EYS: variants seen among roughly 807,000 people sequenced by gnomAD.
EYS encodes the protein protein eyes shut homolog.
In EYS, 250 loss-of-function variants were observed where a neutral mutation model predicts 282.1. The observed-to-expected ratio is 0.89, with a 90% CI of 0.80 to 0.98. The LOEUF (loss-of-function observed/expected upper bound fraction) is 0.98, where lower values mean the gene tolerates loss of function less well. Ranked by LOEUF, EYS falls within the 50% of genes least tolerant of loss-of-function variation. The probability of loss-of-function intolerance (pLI) is 0.00; values close to 1 mark genes in which losing one functional copy is unlikely to be tolerated. For synonymous variants in EYS, 1,355 were observed against 1,282.9 expected, an observed-to-expected ratio of 1.06 and a Z score of -1.20; for missense variants, 4,016 against 3,709.0, an observed-to-expected ratio of 1.08 and a Z score of -2.15.
At chr6:65,057,771 G>T in intron 12 of EYS, 44 bp from the exon 13 acceptor site, 2 of 1,269,068 alleles carry the variant, frequency 1.6e-6, no homozygotes, top group Non-Finnish European at 2.2e-6. Context: ...TAACAAGACA[G>T]GCATGTATCA....
chr6:63,791,202 T>C (rs1340780274), intron 37 of EYS, among the ~76,000 whole-genome samples: 2 of 152,028 alleles, frequency 1.3e-5, no homozygotes, highest in Non-Finnish European at 2.9e-5. Context: ...GAGGATACAG[T>C]GAAGAGTGCT....
chr6:65,560,201 T>C (rs1003004756), intron 2 of EYS, among the ~76,000 whole-genome samples: 2 of 132,386 alleles, frequency 1.5e-5, no homozygotes, highest in African/African-American at 5.7e-5. Context: ...ATATTTATAC[T>C]TATATTTATA....
chr6:64,344,286 A>C (rs1473402640), intron 29 of EYS, among the ~76,000 whole-genome samples: 1 of 152,120 alleles, frequency 6.6e-6, no homozygotes, highest in Admixed American at 6.6e-5. Context: ...ATCCTTGATG[A>C]ACATTGATGC....
At chr6:64,696,251 C>T (rs762456493) in intron 22 of EYS, among the ~76,000 whole-genome samples, 9 of 151,854 alleles carry the variant, frequency 5.9e-5, no homozygotes, top group Admixed American at 2.0e-4. Context: ...TAGAATAGAC[C>T]GAGCACAAGA....
intron 12 of EYS, among the ~76,000 whole-genome samples, chr6:65,290,165 G>T (rs1215246524): frequency 6.6e-6 from 1 of 150,654 alleles, no homozygotes; most frequent in African/African-American, 2.4e-5. Context: ...ATTGACTAAG[G>T]GTTAACAAAA....
At chr6:65,567,693 A>T (rs1335486478) in intron 2 of EYS, among the ~76,000 whole-genome samples, 1 of 152,142 alleles carries the variant, frequency 6.6e-6, no homozygotes, top group African/African-American at 2.4e-5. Flanking sequence ...TAGTTTTCAG[A>T]CCAATTAAAA....
intron 2 of EYS, among the ~76,000 whole-genome samples, chr6:65,591,492 C>T (rs936735307): frequency 2.0e-5 from 3 of 151,982 alleles, no homozygotes; most frequent in Non-Finnish European, 4.4e-5. Context: ...CAACCCATTT[C>T]ATAGTTCTAG....
At chr6:65,196,710 C>T (rs192403588) in intron 12 of EYS, among the ~76,000 whole-genome samples, 14 of 152,084 alleles carry the variant, frequency 9.2e-5, no homozygotes, top group African/African-American at 2.6e-4. Context: ...AAGAGCACAG[C>T]GAATGAAGGA....
intron 26 of EYS, among the ~76,000 whole-genome samples, chr6:64,514,362 T>C (rs748342455): frequency 1.1e-4 from 17 of 151,818 alleles, no homozygotes; most frequent in Non-Finnish European, 1.9e-4. Context: ...GAGAAAACAA[T>C]AACAGACAGA....
rs577394277 is a variant in EYS, at chr6:65,153,529, C to A, written c.2024-95802G>T. ...ATTTTAGCTGGGTACTTATTTTTCACCATATCTACACGAAGGCTAATTTTC... is the reference window on the plus strand; with the variant it reads ...ATTTTAGCTGGGTACTTATTTTTCAACATATCTACACGAAGGCTAATTTTC... On this transcript the variant is annotated intron_variant, in intron 12 of 42. Coordinates refer to ENST00000503581, the MANE Select transcript of EYS (RefSeq NM_001142800.2). 5.9e-5 allele frequency among the ~76,000 whole-genome samples: 9 copies of A among 151,620 alleles called. No homozygotes were observed. In the South Asian group the frequency reaches 1.9e-3, roughly 32 times the overall value.
At chr6:63,876,851 C>T (rs915804936) in intron 35 of EYS, among the ~76,000 whole-genome samples, 2 of 151,976 alleles carry the variant, frequency 1.3e-5, no homozygotes, top group African/African-American at 4.8e-5. Context: ...TTATTTTGAG[C>T]CTATGTGTGT....
intron 30 of EYS, among the ~76,000 whole-genome samples, chr6:64,303,496 G>C (rs1197888731): frequency 1.3e-5 from 2 of 152,120 alleles, no homozygotes; most frequent in Non-Finnish European, 2.9e-5. Context: ...AGGGTGGTGG[G>C]AAAAATTGTA....
chr6:64,902,148 G>A lies in EYS; in HGVS notation c.2811C>T (p.Cys937=). 1 of 1,548,392 alleles carries A rather than the reference G, an allele frequency of 6.5e-7. No homozygotes were observed. The highest frequency in any genetic ancestry group is 1.2e-5 in the South Asian group (1 of 83,000). ...IEINECSSEP[C]KNNGTCVDLT... is the part of the protein sequence containing the mutation. ...GATCCACACATGTTCCATTATTTTT[G>A]CAAGGTTCAGAGGAACATTCATTAA... Residue 937 remains cysteine, a synonymous_variant, in exon 18 of 43, where the codon TGC becomes TGT. Transcript: ENST00000503581.
At chr6:64,740,904 G>A (rs1398367920) in intron 22 of EYS, among the ~76,000 whole-genome samples, 1 of 151,802 alleles carries the variant, frequency 6.6e-6, no homozygotes, top group Non-Finnish European at 1.5e-5. Flanking sequence ...TAGTAGACAC[G>A]GGGTTTCACC....
chr6:64,592,479 C>G (rs1766443760), intron 25 of EYS, among the ~76,000 whole-genome samples: 1 of 152,102 alleles, frequency 6.6e-6, no homozygotes. Flanking sequence ...AGGTACATTT[C>G]TACTTAGAAT....
intron 26 of EYS, among the ~76,000 whole-genome samples, chr6:64,453,558 G>A (rs970232421): frequency 2.0e-5 from 3 of 152,284 alleles, no homozygotes; most frequent in African/African-American, 7.2e-5. Context: ...ACATGCACAT[G>A]TATGTTTACT....
At chr6:65,460,359 G>A (rs1764787521) in intron 5 of EYS, among the ~76,000 whole-genome samples, 1 of 151,872 alleles carries the variant, frequency 6.6e-6, no homozygotes, top group Non-Finnish European at 1.5e-5. Flanking sequence ...AGATAAAAAT[G>A]TAACTTCTGT....
At chr6:65,141,132 C>T (rs922686845) in intron 12 of EYS, among the ~76,000 whole-genome samples, 73 of 151,856 alleles carry the variant, frequency 4.8e-4, no homozygotes, top group African/African-American at 1.6e-3. Flanking sequence ...GAAAATGTGG[C>T]ACATATACAC....
At chr6:64,224,714 G>C (rs1448737163) in intron 31 of EYS, among the ~76,000 whole-genome samples, 2 of 151,980 alleles carry the variant, frequency 1.3e-5, no homozygotes, top group Non-Finnish European at 2.9e-5. Flanking sequence ...CATTGTGTTT[G>C]CACAGATGAA....
Sources: gnomAD v4.1 joint callset for allele counts (sites outside exome capture counted in the v4.1 genomes callset) on GRCh38, gnomAD v4.1.1 for gene constraint, MANE v1.5 for transcripts, NCBI Gene and HGNC (gene_info 2026-07-23, HGNC 2026-07-21) for gene names.